ERI1: variants seen among roughly 807,000 people sequenced by gnomAD.
The protein encoded by ERI1 is exoribonuclease 1.
A neutral mutation model predicts 39.7 loss-of-function variants in ERI1; 39 were observed. The ratio of observed to expected loss-of-function variants is 0.98; its 90% confidence interval spans 0.76 to 1.28. ERI1 has a LOEUF of 1.28. ERI1 is among the 50% of genes most tolerant of loss of function. ERI1 has a pLI of 0.00. For missense variants in ERI1, 581 were observed against 416.9 expected, an observed-to-expected ratio of 1.39 and a Z score of -3.43; for synonymous variants, 204 against 149.6, an observed-to-expected ratio of 1.36 and a Z score of -2.65.
chr8:9,045,612 CAT>C (rs1402623375), intron 3 of ERI1, among the ~76,000 whole-genome samples: 1 of 151,600 alleles, frequency 6.6e-6, no homozygotes, highest in Non-Finnish European at 1.5e-5. Context: ...GCCTGGGTAA[CAT>C]AGCAAGACCC....
intron 3 of ERI1, chr8:9,049,850 G>A (rs1298610728): frequency 6.6e-6 from 1 of 152,264 alleles, no homozygotes; most frequent in African/African-American, 2.4e-5. Context: ...AGAGGCCGCA[G>A]GTGAGGAGAG....
chr8:9,015,923 C>G (rs1274439775), intron 3 of ERI1, among the ~76,000 whole-genome samples: 2 of 151,892 alleles, frequency 1.3e-5, no homozygotes, highest in African/African-American at 4.8e-5. Context: ...TAGTTTAAAG[C>G]TAATTTATTA....
At chr8:9,093,565 T>G (rs1585304610) in intron 3 of ERI1, among the ~76,000 whole-genome samples, 1 of 151,612 alleles carries the variant, frequency 6.6e-6, no homozygotes, top group Non-Finnish European at 1.5e-5. Flanking sequence ...TAAAACAGCT[T>G]AAGACTGTTT....
intron 3 of ERI1, among the ~76,000 whole-genome samples, chr8:9,079,919 C>CCA (rs1485574936): frequency 6.6e-6 from 1 of 151,746 alleles, no homozygotes; most frequent in Non-Finnish European, 1.5e-5. Flanking sequence ...AGTCCTCCAG[C>CCA]CTTGGCCTCC....
chr8:9,056,804 C>A (rs1228938846), intron 3 of ERI1, among the ~76,000 whole-genome samples: 1 of 152,138 alleles, frequency 6.6e-6, no homozygotes, highest in Admixed American at 6.5e-5. Context: ...TTTTGACTAT[C>A]CCATCAATTA....
intron 3 of ERI1, among the ~76,000 whole-genome samples, chr8:9,090,853 A>C (rs1027860769): frequency 6.6e-6 from 1 of 152,220 alleles, no homozygotes. Context: ...AGAGTAAGAC[A>C]GAGAAGAAAT....
chr8:9,021,396 T>A (rs1030347406), intron 6 of ERI1, among the ~76,000 whole-genome samples: 2 of 152,206 alleles, frequency 1.3e-5, no homozygotes, highest in Non-Finnish European at 2.9e-5. Flanking sequence ...CCTTTAATTC[T>A]CATGCATTAG....
chr8:9,005,735 C>G (rs541122245), intron 1 of ERI1, among the ~76,000 whole-genome samples: 2 of 152,056 alleles, frequency 1.3e-5, no homozygotes, highest in Admixed American at 6.5e-5. Context: ...ACCTCGTTAT[C>G]CGCCCGCCTC....
chr8:9,004,279 C>A (rs1048715956), intron 1 of ERI1: 13 of 1,166,760 alleles, frequency 1.1e-5, no homozygotes, highest in African/African-American at 1.6e-5. Flanking sequence ...GCCTGAGATA[C>A]GTTGTCAATC....
In ERI1 at chr8:9,086,655, C is replaced by G. The variant is rs189234984; in HGVS notation, n.300-29693C>G. On this transcript the variant is annotated intron_variant and non_coding_transcript_variant, in intron 3 of 3. Coordinates refer to the ERI1 transcript ENST00000518663. ...ATGTGTTCAATATTATAGCAAGAAG[C>G]CTGTTGGTTTCAGCACTGTTTATAA... Among the ~76,000 whole-genome samples, 190 of 152,298 alleles carry G rather than the reference C, an allele frequency of 1.2e-3. 1 individual carries two copies. Among genetic ancestry groups the G allele is most frequent in the Non-Finnish European group, 2.2e-3 (152 of 68,026 alleles).
At chr8:9,020,098 A>G (rs183906716) in intron 5 of ERI1, among the ~76,000 whole-genome samples, 1 of 152,362 alleles carries the variant, frequency 6.6e-6, no homozygotes. Context: ...GCCCAGAACC[A>G]TGAAAACAAT....
intron 3 of ERI1, among the ~76,000 whole-genome samples, chr8:9,041,494 G>T (rs1214930031): frequency 6.6e-6 from 1 of 152,148 alleles, no homozygotes; most frequent in African/African-American, 2.4e-5. Context: ...CATCTTATCT[G>T]ACTACAACGG....
intron 3 of ERI1, among the ~76,000 whole-genome samples, chr8:9,058,707 T>G (rs1798590279): frequency 6.6e-6 from 1 of 152,094 alleles, no homozygotes. Flanking sequence ...ATACAAGATT[T>G]ATGCATGATG....
intron 3 of ERI1, among the ~76,000 whole-genome samples, chr8:9,095,667 C>T (rs983094236): frequency 6.6e-6 from 1 of 152,032 alleles, no homozygotes; most frequent in Non-Finnish European, 1.5e-5. Context: ...ACTACAGGCA[C>T]ATGCCACCAT....
intron 3 of ERI1, among the ~76,000 whole-genome samples, chr8:9,072,747 A>T (rs530274977): frequency 6.6e-6 from 1 of 152,242 alleles, no homozygotes; most frequent in South Asian, 2.1e-4. Flanking sequence ...GTGCTCTGCC[A>T]CAGTGCTAAG....
chr8:9,011,900 T>G (rs1816712560), intron 3 of ERI1, 148 bp downstream of exon 3: 2 of 543,804 alleles, frequency 3.7e-6, no homozygotes, highest in Admixed American at 6.9e-5. Context: ...ATCAGCTTGA[T>G]TAATAGAAAA....
At position 9,016,415 on chromosome 8, in the gene ERI1, C is replaced by T. The variant is rs113245883; in HGVS notation, c.582+10C>T. The T allele has an allele frequency of 1.2e-4, 191 of 1,535,684 alleles. No individual in the cohort carries two copies. The African/African-American group carries it at 2.2e-3, about 18-fold the overall frequency. On this transcript the variant is annotated intron_variant, in intron 4 of 6. Coordinates refer to ENST00000250263, the MANE Select transcript of ERI1 (RefSeq NM_153332.4). ...AACTGGAATTACTCAGGTTATAATT[C>T]TAAGTTCTTCTTTCTAGAGTTTGAA...
intron 3 of ERI1, chr8:9,049,994 C>G (rs983700574): frequency 4.6e-5 from 7 of 152,130 alleles, no homozygotes; most frequent in African/African-American, 1.4e-4. Flanking sequence ...TGAACACGTC[C>G]TCCCCATCAT....
At chr8:9,062,139 G>C (rs1028534223) in intron 3 of ERI1, among the ~76,000 whole-genome samples, 1 of 152,100 alleles carries the variant, frequency 6.6e-6, no homozygotes, top group Non-Finnish European at 1.5e-5. Flanking sequence ...AGCAGGTGAG[G>C]GAAAACAGGC....
Sources: gnomAD v4.1 joint callset for allele counts (sites outside exome capture counted in the v4.1 genomes callset) on GRCh38, gnomAD v4.1.1 for gene constraint, MANE v1.5 for transcripts, NCBI Gene and HGNC (gene_info 2026-07-23, HGNC 2026-07-21) for gene names.